The following ANKRD35 variants were observed in gnomAD, a reference collection of about 807,000 sequenced individuals.
The protein encoded by ANKRD35 is ankyrin repeat domain 35, also known as ankyrin repeat domain-containing protein 35.
ANKRD35 carries 102 observed loss-of-function variants against 109.9 expected under a neutral mutation model. The observed-to-expected ratio is 0.93, with a 90% confidence interval of 0.79 to 1.09. The LOEUF is 1.09. Ranked by LOEUF, ANKRD35 falls within the 50% of genes least tolerant of loss-of-function variation. ANKRD35 has a pLI of 0.00. For missense variants in ANKRD35, 1,240 were observed against 1,230.1 expected (o/e 1.01, Z -0.12); for synonymous variants, 515 against 512.4 (o/e 1.01, Z -0.07).
intron 1 of ANKRD35, 138 bp downstream of exon 1, chr1:145,885,582 G>T: frequency 9.7e-7 from 1 of 1,027,668 alleles, no homozygotes; most frequent in East Asian, 2.5e-5. Context: ...CAAAGCTGGC[G>T]GGCTTCCTTG....
intron 9 of ANKRD35, 62 bp from the exon 10 acceptor site, chr1:145,874,047 C>T: frequency 6.2e-7 from 1 of 1,611,316 alleles, no homozygotes; most frequent in East Asian, 2.2e-5. Flanking sequence ...CCTAGGAGTG[C>T]CTTTCTTCTC....
rs782354945 is a variant in ANKRD35, at chr1:145,874,002, A to G, written c.784-17T>C. On this transcript the variant is annotated splice_polypyrimidine_tract_variant and intron_variant, in intron 9 of 13. Coordinates refer to ENST00000355594, the MANE Select transcript of ANKRD35 (RefSeq NM_144698.5). ...TGGAGAGGCCTATGTTGGAAACAGA[A>G]TAGTAAAGTGTGGCCACTAGGCAAC... 7.4e-6 allele frequency: 12 copies of G among 1,613,000 alleles called. No individual in the cohort carries two copies. The highest frequency in any genetic ancestry group is 1.1e-5 in the South Asian group (1 of 91,030).
intron 10 of ANKRD35, among the ~76,000 whole-genome samples, chr1:145,870,831 T>C (rs587619259): frequency 2.0e-5 from 3 of 152,220 alleles, no homozygotes; most frequent in Admixed American, 1.3e-4. Flanking sequence ...GTGATTCTCC[T>C]GCCTCAGCCT....
At chr1:145,867,221 C>A (rs931257972) in intron 13 of ANKRD35, 66 bp downstream of exon 13, 6 of 1,133,686 alleles carry the variant, frequency 5.3e-6, no homozygotes, top group Non-Finnish European at 7.9e-6. Flanking sequence ...TAATTTCATT[C>A]CATACACCTT....
chr1:145,872,848 A>G lies in ANKRD35; in HGVS notation c.1921T>C (p.Leu641=). The change falls in exon 10 of 14, where the codon TTG becomes CTG. Residue 641 remains leucine, a synonymous_variant. Coordinates refer to ENST00000355594, the MANE Select transcript of ANKRD35 (RefSeq NM_144698.5). Reference sequence around the variant, plus strand: ...CTCAGGGACTGTAGCTCCCTCTGCAACCTCTGCCGCTCCCGCCCCAACTCC... The same window carrying G: ...CTCAGGGACTGTAGCTCCCTCTGCAGCCTCTGCCGCTCCCGCCCCAACTCC... The part of the protein sequence containing the change: ...LGELGRERQR[L]QRELQSLSQR... 6.2e-7 allele frequency: 1 copy of G among 1,613,658 alleles called. No individual in the cohort carries two copies. Among genetic ancestry groups the G allele is most frequent in the South Asian group, 1.1e-5 (1 of 91,044 alleles).
Position 145,873,875 on chromosome 1 carries a change from C to T in ANKRD35, c.894G>A (p.Trp298Ter), listed in dbSNP as rs782179162. ...KEDEDPCSEE[W>*]RWKYEEERRK... is the part of the protein sequence containing the mutation. ...TCCGCTCCTCTTCATACTTCCACCT[C>T]CACTCCTCCGAGCACGGGTCTTCAT... Residue 298 changes from tryptophan (W) to a stop codon, truncating the protein, a stop_gained, in exon 10 of 14, where the codon TGG (tryptophan) becomes TGA (stop). Transcript: ENST00000355594. LOFTEE classifies it high-confidence loss of function. The T allele has an allele frequency of 3.7e-6, 6 of 1,614,074 alleles. No individual in the cohort carries two copies. In the East Asian group the frequency reaches 8.9e-5, roughly 24 times the overall value.
At chr1:145,885,596 G>A in intron 1 of ANKRD35, 124 bp downstream of exon 1, 2 of 1,198,016 alleles carry the variant, frequency 1.7e-6, no homozygotes, top group Non-Finnish European at 2.4e-6. Context: ...TTCCTTGCAA[G>A]ACTAGAAGAG....
chr1:145,879,288 G>A lies in ANKRD35; in HGVS notation c.140C>T (p.Pro47Leu), dbSNP rs1375885053. Residue 47 changes from proline to leucine, a missense_variant, in exon 2 of 14, where the codon CCC becomes CTC. By Grantham distance (98) the Pro-to-Leu change is moderately conservative. Transcript: ENST00000355594. ...AALASRKSAR[P>L]TKLDSNGQSP... ...CTGGCCATTCGAGTCAAGCTTGGTG[G>A]GTCGGGCAGATTTCCTGGAGGCCAG... 2 of 1,611,210 alleles carry A rather than the reference G, an allele frequency of 1.2e-6. No individual in the cohort carries two copies. Among genetic ancestry groups the A allele is most frequent in the Non-Finnish European group, 1.7e-6 (2 of 1,178,866 alleles).
intron 4 of ANKRD35, among the ~76,000 whole-genome samples, chr1:145,877,336 G>A (rs1001359658): frequency 4.6e-5 from 7 of 151,450 alleles, no homozygotes; most frequent in African/African-American, 1.7e-4. Flanking sequence ...GGGTTGAAGC[G>A]ATTCTCCTGC....
rs1212527545 is a variant in ANKRD35, at chr1:145,872,157, C to T, written c.2612G>A (p.Arg871Gln). 1 of 1,609,476 alleles carries T rather than the reference C, an allele frequency of 6.2e-7. No individual in the cohort carries two copies. The highest frequency in any genetic ancestry group is 1.3e-5 in the African/African-American group (1 of 74,658). ...GCGGCGCTCCTCGGCCACCGCCTCC[C>T]GCAGCCGACCCACTTCCCGGCAGGC... is the stretch of plus-strand genomic sequence containing the variant. The part of the protein sequence containing the change: ...NTACREVGRL[R>Q]EAVAEERRRS... Residue 871 changes from arginine (R) to glutamine (Q), a missense_variant, in exon 10 of 14, where the codon CGG (arginine) becomes CAG (glutamine). Coordinates refer to ENST00000355594, the MANE Select transcript of ANKRD35 (RefSeq NM_144698.5).
Position 145,878,446 on chromosome 1 carries a change from T to C in ANKRD35, c.204A>G (p.Glu68=). ...FHLAASKGLT[E]CLTILLANGA... ...CATTTGCAAGCAGGATAGTCAGACA[T>C]TCTGTCAGGCCTTTGGAGGCTGCCA... Residue 68 remains glutamate (E), a synonymous_variant, in exon 3 of 14, where the codon GAA becomes GAG. Transcript: ENST00000355594. The C allele has an allele frequency of 6.4e-7, 1 of 1,572,760 alleles. No individual in the cohort carries two copies. Among genetic ancestry groups the C allele is most frequent in the Non-Finnish European group, 8.6e-7 (1 of 1,157,914 alleles).
chr1:145,875,215 G>C (rs587632922), intron 7 of ANKRD35, among the ~76,000 whole-genome samples: 1 of 151,420 alleles, frequency 6.6e-6, no homozygotes, highest in Non-Finnish European at 1.5e-5. Flanking sequence ...GCATGATCTC[G>C]GCTCACTGCA....
At chr1:145,880,786 C>CT in intron 1 of ANKRD35, among the ~76,000 whole-genome samples, 1 of 152,276 alleles carries the variant, frequency 6.6e-6, no homozygotes, top group Non-Finnish European at 1.5e-5. Flanking sequence ...ATAAAATTAT[C>CT]TAAGGTAGAT....
At chr1:145,878,351 G>T (rs782580139) in intron 3 of ANKRD35, 40 bp downstream of exon 3, 116 of 1,543,708 alleles carry the variant, frequency 7.5e-5, no homozygotes, top group Non-Finnish European at 9.1e-5. Context: ...CTGTACCAGG[G>T]GCAAGCAAGC....
rs781835201 is a variant in ANKRD35 at position 145,874,208 on chromosome 1, T to A, written c.746-16A>T. The A allele has an allele frequency of 6.2e-7, 1 of 1,613,438 alleles. No homozygotes were observed. The highest frequency in any genetic ancestry group is 2.2e-5 in the East Asian group (1 of 44,876). On this transcript the variant is annotated splice_polypyrimidine_tract_variant and intron_variant, in intron 8 of 13. Coordinates refer to ENST00000355594, the MANE Select transcript of ANKRD35 (RefSeq NM_144698.5). Reference sequence around the variant, plus strand: ...AGCCTCTGACCTATAAGAAAAGATATGAGGAAAATGAGAGAGAAGACAGGT... The same window carrying A: ...AGCCTCTGACCTATAAGAAAAGATAAGAGGAAAATGAGAGAGAAGACAGGT...
rs1553739282 is a variant in ANKRD35 at position 145,873,242 on chromosome 1, G to A, written c.1527C>T (p.Ala509=). ...LAAVWREKDA[A]RGALSRPVME... is the part of the protein sequence containing the mutation. ...TGACCGGTCTTGACAAAGCCCCCCG[G>A]GCAGCATCCTTTTCTCGCCACACTG... Residue 509 remains alanine (A), a synonymous_variant, in exon 10 of 14, where the codon GCC becomes GCT. Transcript: ENST00000355594. The A allele has an allele frequency of 6.2e-7, 1 of 1,614,108 alleles. No homozygotes were observed. The highest frequency in any genetic ancestry group is 2.2e-5 in the East Asian group (1 of 44,878).
chr1:145,878,370 C>T (rs1654160968), intron 3 of ANKRD35, 21 bp downstream of exon 3: 2 of 1,556,544 alleles, frequency 1.3e-6, no homozygotes, highest in Non-Finnish European at 8.7e-7. Context: ...GCAGCGTGGC[C>T]CAGTGCTCCG....
At chr1:145,874,776 C>T in intron 8 of ANKRD35, 46 bp downstream of exon 8, 1 of 1,501,950 alleles carries the variant, frequency 6.7e-7, no homozygotes, top group Non-Finnish European at 8.9e-7. Flanking sequence ...CTCTAAGAAA[C>T]TTCTCTGATT....
In ANKRD35 at chr1:145,872,574, C is replaced by G; in HGVS notation, c.2195G>C (p.Cys732Ser). The G allele has an allele frequency of 1.2e-6, 2 of 1,611,442 alleles. No homozygotes were observed. Among genetic ancestry groups the G allele is most frequent in the Non-Finnish European group, 1.7e-6 (2 of 1,178,846 alleles). ...AAESLEELRA[C>S]ISTLVDRHRE... ...GTGCCGATCCACCAGGGTGCTGATG[C>G]AGGCCCGCAGCTCCTCCAGGGACTC... is the stretch of plus-strand genomic sequence containing the variant. The change falls in exon 10 of 14, where the codon TGC becomes TCC. Residue 732 changes from cysteine (C) to serine (S), a missense_variant. Transcript: ENST00000355594.
Sources: allele counts gnomAD v4.1 joint callset (sites outside exome capture counted in the v4.1 genomes callset), GRCh38; gene constraint gnomAD v4.1.1; transcripts MANE v1.5; gene names NCBI Gene and HGNC (gene_info 2026-07-23, HGNC 2026-07-21).